Variants in MRTFA observed in about 807,000 individuals in gnomAD.
MRTFA encodes the protein myocardin-related transcription factor A.
In MRTFA, 20 loss-of-function variants were observed where a neutral mutation model predicts 83.5. The observed-to-expected ratio is 0.24, with a 90% CI of 0.17 to 0.35. The LOEUF (loss-of-function observed/expected upper bound fraction) is 0.35. Ranked by LOEUF, MRTFA falls within the 10% of genes least tolerant of loss-of-function variation. MRTFA has a pLI of 1.00. For synonymous variants in MRTFA, 659 were observed against 541.2 expected (o/e 1.22, Z -3.02); for missense variants, 1,200 against 1,224.7 (o/e 0.98, Z 0.30).
intron 2 of MRTFA, chr22:40,587,376 C>A: frequency 2.6e-6 from 1 of 390,572 alleles, no homozygotes; most frequent in Non-Finnish European, 5.0e-6. Context: ...CAATCATCTT[C>A]ATTAGAGACG....
chr22:40,449,124 G>C (rs1311293819), intron 4 of MRTFA, among the ~76,000 whole-genome samples: 1 of 151,758 alleles, frequency 6.6e-6, no homozygotes, highest in Non-Finnish European at 1.5e-5. Flanking sequence ...ACAATTAGCC[G>C]GGCGTGGTGG....
intron 2 of MRTFA, among the ~76,000 whole-genome samples, chr22:40,558,463 A>T (rs1403555780): frequency 6.6e-6 from 1 of 151,848 alleles, no homozygotes; most frequent in Non-Finnish European, 1.5e-5. Flanking sequence ...TCACTAATTC[A>T]GAACAAACTT....
At chr22:40,619,733 CA>C (rs1341245302) in intron 1 of MRTFA, among the ~76,000 whole-genome samples, 2 of 151,166 alleles carry the variant, frequency 1.3e-5, no homozygotes, top group South Asian at 2.1e-4. Flanking sequence ...ACTAAAAGTA[CA>C]AAAAAATTAG....
At chr22:40,533,619 G>A in intron 3 of MRTFA, 1 of 1,230,552 alleles carries the variant, frequency 8.1e-7, no homozygotes, top group Non-Finnish European at 1.0e-6. Context: ...TAACATCTCA[G>A]GTTCCAGTAG....
intron 3 of MRTFA, among the ~76,000 whole-genome samples, chr22:40,473,235 C>T (rs2053944110): frequency 6.6e-6 from 1 of 152,194 alleles, no homozygotes; most frequent in African/African-American, 2.4e-5. Flanking sequence ...TCACGGCTCA[C>T]CGCAGCCTTG....
intron 1 of MRTFA, among the ~76,000 whole-genome samples, chr22:40,629,518 T>C (rs993408590): frequency 4.0e-5 from 6 of 151,098 alleles, no homozygotes; most frequent in African/African-American, 1.5e-4. Flanking sequence ...TCCCAATACT[T>C]TGGGAGGCCG....
At chr22:40,562,516 AAAAG>A (rs1477324768) in intron 2 of MRTFA, among the ~76,000 whole-genome samples, 3 of 147,694 alleles carry the variant, frequency 2.0e-5, no homozygotes, top group Admixed American at 6.9e-5. Context: ...TCAACAGCAG[AAAAG>A]AAAGAAAGAA....
chr22:40,414,889 G>T (rs957795789), intron 14 of MRTFA: 3 of 152,174 alleles, frequency 2.0e-5, no homozygotes, highest in African/African-American at 7.2e-5. Flanking sequence ...ACTAAAAAAA[G>T]AATTATGCAA....
At chr22:40,471,990 C>G (rs181520686) in intron 3 of MRTFA, among the ~76,000 whole-genome samples, 3 of 152,330 alleles carry the variant, frequency 2.0e-5, no homozygotes, top group African/African-American at 7.2e-5. Flanking sequence ...GATTCCAAAG[C>G]CAGAGAAAGA....
chr22:40,445,255 T>C (rs913876131), intron 4 of MRTFA, among the ~76,000 whole-genome samples: 3 of 152,150 alleles, frequency 2.0e-5, no homozygotes. Context: ...CCAGTTATCT[T>C]TTAGCCATAT....
At chr22:40,635,075 G>A (rs1245086307) in intron 1 of MRTFA, among the ~76,000 whole-genome samples, 1 of 152,132 alleles carries the variant, frequency 6.6e-6, no homozygotes, top group Non-Finnish European at 1.5e-5. Flanking sequence ...GTAATGGATT[G>A]CTTCTTTCTA....
intron 4 of MRTFA, among the ~76,000 whole-genome samples, chr22:40,451,173 C>G (rs2053479005): frequency 6.6e-6 from 1 of 152,118 alleles, no homozygotes; most frequent in Non-Finnish European, 1.5e-5. Flanking sequence ...CCGGGCTTGA[C>G]TTCCATTTTT....
At chr22:40,547,126 G>T (rs763916605) in intron 3 of MRTFA, among the ~76,000 whole-genome samples, 2 of 151,986 alleles carry the variant, frequency 1.3e-5, no homozygotes, top group Non-Finnish European at 2.9e-5. Flanking sequence ...CTGCACTCCA[G>T]CCTGGGCGAC....
chr22:40,577,235 T>TAA (rs760829183), intron 2 of MRTFA, among the ~76,000 whole-genome samples: 38 of 64,388 alleles, frequency 5.9e-4, no homozygotes, highest in African/African-American at 1.4e-3. Flanking sequence ...GACCCTTGTC[T>TAA]AAAAAAAAAA....
At chr22:40,502,538 G>C (rs529342488) in intron 3 of MRTFA, among the ~76,000 whole-genome samples, 1 of 143,726 alleles carries the variant, frequency 7.0e-6, no homozygotes, top group South Asian at 2.3e-4. Context: ...ATGGGATGGC[G>C]GCCGGGCGGA....
chr22:40,585,156 C>T (rs760011469), intron 2 of MRTFA, among the ~76,000 whole-genome samples: 2 of 152,224 alleles, frequency 1.3e-5, no homozygotes, highest in Non-Finnish European at 2.9e-5. Flanking sequence ...GAAGAGGAAA[C>T]AAGGCAGTCC....
At chr22:40,506,071 A>C (rs1019072966) in intron 3 of MRTFA, among the ~76,000 whole-genome samples, 2 of 152,060 alleles carry the variant, frequency 1.3e-5, no homozygotes, top group Non-Finnish European at 2.9e-5. Flanking sequence ...GTCTCTACTA[A>C]AAATACAAAA....
intron 3 of MRTFA, among the ~76,000 whole-genome samples, chr22:40,543,675 T>C (rs1003690650): frequency 6.6e-6 from 1 of 152,232 alleles, no homozygotes; most frequent in Non-Finnish European, 1.5e-5. Context: ...ACTAAAGATG[T>C]GTAAGATCAT....
Position 40,423,700 on chromosome 22 carries a change from G to C in MRTFA, c.778-15C>G. ...TGAGACACAACCTGAGAGGGAAAAA[G>C]GGAAGTGAGGACATGGCCACCTCCA... On this transcript the variant is annotated splice_polypyrimidine_tract_variant and intron_variant, in intron 8 of 14. Transcript: ENST00000355630. 6.6e-7 allele frequency: 1 copy of C among 1,520,578 alleles called. No individual in the cohort carries two copies. The highest frequency in any genetic ancestry group is 1.3e-5 in the South Asian group (1 of 76,614). 94.2% of individuals were successfully genotyped at this position (1,520,578 alleles called of 1,614,324 possible). A position where few individuals can be genotyped will look rare whatever the true frequency, so the allele number is the denominator to read the frequency against.
Sources: allele counts gnomAD v4.1 joint callset (sites outside exome capture counted in the v4.1 genomes callset), GRCh38; gene constraint gnomAD v4.1.1; transcripts MANE v1.5; gene names NCBI Gene and HGNC (gene_info 2026-07-23, HGNC 2026-07-21).